The following TEX29 variants were observed in gnomAD, a reference collection of about 807,000 sequenced individuals.
TEX29 encodes testis-expressed protein 29.
In TEX29, 26 loss-of-function variants were observed where a neutral mutation model predicts 18.2. That is an observed-to-expected ratio of 1.43 (90% CI 1.04 to 1.98). The LOEUF (loss-of-function observed/expected upper bound fraction) is 1.98. TEX29 is among the 30% of genes most tolerant of loss of function. The pLI is 0.00. For synonymous variants in TEX29, 83 were observed against 78.5 expected, an observed-to-expected ratio of 1.06 and a Z score of -0.31; for missense variants, 177 against 194.2, an observed-to-expected ratio of 0.91 and a Z score of 0.53.
chr13:111,335,041 G>C (rs2093687683), intron 3 of TEX29, among the ~76,000 whole-genome samples: 1 of 152,240 alleles, frequency 6.6e-6, no homozygotes, highest in Non-Finnish European at 1.5e-5. Flanking sequence ...CAAACAAACA[G>C]ATTTCTGCAA....
At chr13:111,320,219 G>A (rs56355622), upstream of TEX29, among the ~76,000 whole-genome samples, 1,378 of 152,276 alleles carry the variant, frequency 9.0e-3, 8 homozygotes, top group Non-Finnish European at 0.015. Context: ...TTCTCCCCAC[G>A]GCCCGGGCCT....
intron 3 of TEX29, among the ~76,000 whole-genome samples, chr13:111,333,430 A>T (rs912398586): frequency 6.6e-6 from 1 of 152,178 alleles, no homozygotes; most frequent in African/African-American, 2.4e-5. Flanking sequence ...TCTGTTACTT[A>T]AACTGGATAA....
intron 2 of TEX29, 52 bp downstream of exon 2, chr13:111,321,000 G>GA (rs947829231): frequency 5.6e-6 from 5 of 900,374 alleles, no homozygotes; most frequent in East Asian, 4.0e-5. Flanking sequence ...GCAGTTGGGG[G>GA]GGGGCACAGG....
upstream of TEX29, among the ~76,000 whole-genome samples, chr13:111,317,543 G>T (rs1317831690): frequency 6.6e-6 from 1 of 152,196 alleles, no homozygotes; most frequent in Admixed American, 6.5e-5. Context: ...TTTATTTGGG[G>T]TTGCTTTCTA....
chr13:111,321,582 C>T (rs1454275676), intron 2 of TEX29, among the ~76,000 whole-genome samples: 3 of 151,842 alleles, frequency 2.0e-5, no homozygotes, highest in African/African-American at 7.3e-5. Flanking sequence ...CTCAATGGAT[C>T]TTGTGTTCAT....
intron 4 of TEX29, 65 bp from the exon 5 acceptor site, chr13:111,342,690 AG>A (rs1413223062): frequency 4.6e-6 from 7 of 1,510,670 alleles, no homozygotes; most frequent in Non-Finnish European, 6.3e-6. Flanking sequence ...GGTGGGTGGG[AG>A]GGAGGAACTG....
At chr13:111,338,678 A>G (rs1157194724) in intron 3 of TEX29, among the ~76,000 whole-genome samples, 1 of 152,206 alleles carries the variant, frequency 6.6e-6, no homozygotes, top group East Asian at 1.9e-4. Flanking sequence ...AGTTTCTTTG[A>G]GAGAGTAAGA....
chr13:111,319,055 G>A (rs1051762768), upstream of TEX29, among the ~76,000 whole-genome samples: 2 of 152,092 alleles, frequency 1.3e-5, no homozygotes, highest in African/African-American at 4.8e-5. Flanking sequence ...TTTAATGGGG[G>A]CACGATTCCC....
intron 5 of TEX29, among the ~76,000 whole-genome samples, chr13:111,343,178 C>T (rs1353012461): frequency 6.6e-6 from 1 of 152,216 alleles, no homozygotes; most frequent in African/African-American, 2.4e-5. Flanking sequence ...CCTTTTGCCT[C>T]CCTGTCATTT....
At chr13:111,325,330 C>A (rs758944597) in intron 2 of TEX29, among the ~76,000 whole-genome samples, 1 of 152,246 alleles carries the variant, frequency 6.6e-6, no homozygotes, top group African/African-American at 2.4e-5. Context: ...GCGCTCCAGC[C>A]GTCCTGGCTG....
rs538284055 is a variant in TEX29 at position 111,342,803 on chromosome 13, C to T, written c.287C>T (p.Ala96Val). The T allele has an allele frequency of 6.2e-6, 10 of 1,614,074 alleles. No homozygotes were observed. Among genetic ancestry groups the T allele is most frequent in the African/African-American group, 2.7e-5 (2 of 75,002 alleles). Residue 96 changes from alanine to valine, a missense_variant, in exon 5 of 6, where the codon GCG becomes GTG. Physicochemically the swap from Ala to Val is moderately conservative, Grantham distance 64. Transcript: ENST00000283547. ...GAAAAGGCCATCCCTGTGGATGTCG[C>T]GCTGCCACAGAAGTCCAGCGAAAAG... is the stretch of plus-strand genomic sequence containing the variant. ...RKEKAIPVDV[A>V]LPQKSSEKAE...
intron 2 of TEX29, among the ~76,000 whole-genome samples, chr13:111,326,339 C>CAGTGT (rs1567159605): frequency 1.6e-4 from 3 of 18,398 alleles, no homozygotes; most frequent in Non-Finnish European, 2.2e-4. Flanking sequence ...GCGGGCAACG[C>CAGTGT]GAGCCTGGGG....
chr13:111,321,124 A>G lies in TEX29; in HGVS notation c.58+176A>G, dbSNP rs540211728. Among the ~76,000 whole-genome samples the G allele has an allele frequency of 7.2e-5, 11 of 152,244 alleles. No homozygotes were observed. The South Asian group carries it at 2.1e-3, about 29-fold the overall frequency. Reference sequence around the variant, plus strand: ...AATAACCTGGGAAAACGCTGTGAAGACTTCATTTTTGAAAATTTTATTACA... The same window carrying G: ...AATAACCTGGGAAAACGCTGTGAAGGCTTCATTTTTGAAAATTTTATTACA... On this transcript the variant is annotated intron_variant, in intron 2 of 5. Transcript: ENST00000283547.
chr13:111,343,470 CGTG>C (rs1351779030), intron 5 of TEX29, among the ~76,000 whole-genome samples: 9 of 152,070 alleles, frequency 5.9e-5, no homozygotes, highest in African/African-American at 2.2e-4. Flanking sequence ...GCCCTGGCCA[CGTG>C]GTGGTCGTGG....
intron 5 of TEX29, 73 bp downstream of exon 5, chr13:111,343,004 G>A: frequency 1.9e-6 from 3 of 1,539,558 alleles, no homozygotes; most frequent in Non-Finnish European, 2.6e-6. Flanking sequence ...GACCTTCCCT[G>A]GGAAGGGGCT....
At chr13:111,332,182 A>AG (rs1177652221) in intron 3 of TEX29, among the ~76,000 whole-genome samples, 1 of 152,188 alleles carries the variant, frequency 6.6e-6, no homozygotes, top group East Asian at 1.9e-4. Context: ...GTCCATGAAC[A>AG]GGGGTAGTCT....
At chr13:111,340,185 C>G (rs540541250) in intron 4 of TEX29, among the ~76,000 whole-genome samples, 5 of 147,924 alleles carry the variant, frequency 3.4e-5, no homozygotes, top group Non-Finnish European at 6.0e-5. Flanking sequence ...AATCATAACC[C>G]ATGTTTAGTG....
At chr13:111,331,640 G>T (rs2093682915) in intron 3 of TEX29, among the ~76,000 whole-genome samples, 3 of 152,052 alleles carry the variant, frequency 2.0e-5, no homozygotes, top group Admixed American at 1.3e-4. Flanking sequence ...CTAATCCAAG[G>T]TTGCAAATAT....
intron 3 of TEX29, 123 bp downstream of exon 3, chr13:111,328,416 C>A: frequency 1.5e-6 from 1 of 672,914 alleles, no homozygotes; most frequent in Non-Finnish European, 2.6e-6. Flanking sequence ...TTGTATTGTT[C>A]TCTGGCCAAC....
Sources: gnomAD v4.1 joint callset for allele counts (sites outside exome capture counted in the v4.1 genomes callset) on GRCh38, gnomAD v4.1.1 for gene constraint, MANE v1.5 for transcripts, NCBI Gene and HGNC (gene_info 2026-07-23, HGNC 2026-07-21) for gene names.